Variants in CDH13 observed in about 807,000 individuals in gnomAD.
CDH13 encodes the protein cadherin 13, also known as cadherin-13.
CDH13 carries 24 observed loss-of-function variants against 63.8 expected under a neutral mutation model. That is an observed-to-expected ratio of 0.38 (90% CI 0.27 to 0.53). The LOEUF is 0.53. Ranked by LOEUF, CDH13 falls within the 20% of genes least tolerant of loss-of-function variation. The pLI, the probability that CDH13 is intolerant of heterozygous loss-of-function variation, is 0.85. For missense variants in CDH13, 1,049 were observed against 903.1 expected (o/e 1.16, Z -2.07); for synonymous variants, 503 against 355.3 (o/e 1.42, Z -4.67).
At chr16:83,067,699 T>G (rs1047650483) in intron 3 of CDH13, among the ~76,000 whole-genome samples, 1 of 152,156 alleles carries the variant, frequency 6.6e-6, no homozygotes, top group African/African-American at 2.4e-5. Flanking sequence ...AAAAGTAGGT[T>G]AGGAAAATAC....
intron 5 of CDH13, among the ~76,000 whole-genome samples, chr16:83,317,257 C>T (rs1191743599): frequency 6.6e-6 from 1 of 152,158 alleles, no homozygotes; most frequent in Non-Finnish European, 1.5e-5. Flanking sequence ...TCTGGAAGCC[C>T]ACATAAGGTA....
chr16:83,584,313 A>G (rs1244312989), intron 7 of CDH13, among the ~76,000 whole-genome samples: 1 of 152,204 alleles, frequency 6.6e-6, no homozygotes, highest in African/African-American at 2.4e-5. Flanking sequence ...CGGGCAATAG[A>G]GCAAGACTGC....
chr16:83,569,318 C>G (rs1421064321), intron 7 of CDH13, among the ~76,000 whole-genome samples: 1 of 152,120 alleles, frequency 6.6e-6, no homozygotes, highest in Admixed American at 6.5e-5. Context: ...TTGGCATGTA[C>G]AGTACATGTG....
At chr16:82,969,391 CT>C (rs1354884419) in intron 2 of CDH13, among the ~76,000 whole-genome samples, 7 of 152,086 alleles carry the variant, frequency 4.6e-5, no homozygotes, top group African/African-American at 7.2e-5. Context: ...TTCCTGACCC[CT>C]GATCTCTCCC....
chr16:83,124,266 G>A (rs12445072), intron 3 of CDH13, among the ~76,000 whole-genome samples: 55,293 of 151,944 alleles, frequency 0.36, 12,123 homozygotes, highest in Admixed American at 0.51. Context: ...GGCTGGTCTC[G>A]AACTCCTGAC....
chr16:83,591,084 T>C (rs927023932), intron 7 of CDH13, among the ~76,000 whole-genome samples: 1 of 151,788 alleles, frequency 6.6e-6, no homozygotes, highest in Non-Finnish European at 1.5e-5. Flanking sequence ...CTAATTTTTG[T>C]ATGTTTAGTA....
intron 1 of CDH13, among the ~76,000 whole-genome samples, chr16:82,749,555 C>T (rs996045710): frequency 3.9e-5 from 6 of 152,194 alleles, no homozygotes; most frequent in Admixed American, 1.3e-4. Context: ...CAATGTAAGG[C>T]TCTAACTTGT....
At chr16:83,036,812 G>A (rs981534972) in intron 3 of CDH13, among the ~76,000 whole-genome samples, 7 of 152,110 alleles carry the variant, frequency 4.6e-5, no homozygotes, top group Non-Finnish European at 7.3e-5. Context: ...TGCAGTTCCC[G>A]GAGATGATTT....
At chr16:82,796,153 G>T (rs909546439) in intron 1 of CDH13, among the ~76,000 whole-genome samples, 2 of 152,086 alleles carry the variant, frequency 1.3e-5, no homozygotes, top group African/African-American at 4.8e-5. Context: ...CAAGGTTCTA[G>T]GCAGCCTCGT....
chr16:82,719,415 A>G (rs765888425), intron 1 of CDH13: 6 of 455,950 alleles, frequency 1.3e-5, no homozygotes, highest in South Asian at 6.2e-5. Flanking sequence ...TGGCTGTCCA[A>G]TGGCTTGGAG....
At chr16:83,784,051 A>G (rs1423909485) in intron 13 of CDH13, among the ~76,000 whole-genome samples, 1 of 152,230 alleles carries the variant, frequency 6.6e-6, no homozygotes, top group African/African-American at 2.4e-5. Flanking sequence ...AAATTAATAA[A>G]TACATGTCTC....
At chr16:83,018,418 A>T (rs933200502) in intron 2 of CDH13, among the ~76,000 whole-genome samples, 7 of 152,186 alleles carry the variant, frequency 4.6e-5, no homozygotes, top group African/African-American at 1.7e-4. Flanking sequence ...ATGGATGAGT[A>T]TGTTGAACTT....
chr16:82,766,258 C>T (rs2035050406), intron 1 of CDH13, among the ~76,000 whole-genome samples: 1 of 152,106 alleles, frequency 6.6e-6, no homozygotes, highest in Admixed American at 6.5e-5. Flanking sequence ...GAATTTAGGT[C>T]AAGATGCACT....
intron 6 of CDH13, among the ~76,000 whole-genome samples, chr16:83,446,657 G>T (rs1337030254): frequency 2.0e-5 from 3 of 152,110 alleles, no homozygotes; most frequent in African/African-American, 7.2e-5. Context: ...GTAATCAAAG[G>T]AACGAGCTCC....
At chr16:83,401,525 GTAAAA>G (rs1005571966) in intron 6 of CDH13, among the ~76,000 whole-genome samples, 6 of 151,886 alleles carry the variant, frequency 4.0e-5, no homozygotes, top group African/African-American at 7.3e-5. Flanking sequence ...ATAAAATAAA[GTAAAA>G]TAAAATAAAA....
At chr16:82,796,108 G>A (rs1597613068) in intron 1 of CDH13, among the ~76,000 whole-genome samples, 1 of 152,144 alleles carries the variant, frequency 6.6e-6, no homozygotes, top group Non-Finnish European at 1.5e-5. Context: ...TCCTGGAGAA[G>A]CAGGTGATAA....
intron 8 of CDH13, among the ~76,000 whole-genome samples, chr16:83,616,869 G>T (rs929549825): frequency 2.0e-5 from 3 of 152,114 alleles, no homozygotes; most frequent in African/African-American, 7.2e-5. Flanking sequence ...TAGGCCACAC[G>T]GGAGCTCTGT....
At chr16:83,492,573 T>C (rs185019563) in intron 7 of CDH13, among the ~76,000 whole-genome samples, 4 of 152,348 alleles carry the variant, frequency 2.6e-5, no homozygotes, top group Non-Finnish European at 4.4e-5. Flanking sequence ...ATTTTTAAAA[T>C]AATGCATTAT....
chr16:83,786,749 G>A (rs969867285), intron 13 of CDH13, among the ~76,000 whole-genome samples: 5 of 151,774 alleles, frequency 3.3e-5, no homozygotes, highest in African/African-American at 9.7e-5. Flanking sequence ...CACCATGCCC[G>A]GCTAATTTTT....
Sources: gnomAD v4.1 joint callset for allele counts (sites outside exome capture counted in the v4.1 genomes callset) on GRCh38, gnomAD v4.1.1 for gene constraint, MANE v1.5 for transcripts, NCBI Gene and HGNC (gene_info 2026-07-23, HGNC 2026-07-21) for gene names.